ZNF84: variants seen among roughly 807,000 people sequenced by gnomAD.
ZNF84 encodes the protein zinc finger protein 84.
Under a neutral mutation model 14.8 loss-of-function variants are expected in ZNF84, and 12 were observed. The ratio of observed to expected loss-of-function variants is 0.81; its 90% CI spans 0.52 to 1.31. ZNF84 has a LOEUF of 1.31. Ranked by LOEUF, ZNF84 falls within the 50% of genes most tolerant of loss-of-function variation. ZNF84 has a pLI of 0.00. For missense variants in ZNF84, 859 were observed against 878.6 expected, an observed-to-expected ratio of 0.98 and a Z score of 0.28; for synonymous variants, 347 against 291.1, an observed-to-expected ratio of 1.19 and a Z score of -1.96.
intron 4 of ZNF84, among the ~76,000 whole-genome samples, chr12:133,052,621 C>T (rs1283326944): frequency 6.6e-6 from 1 of 152,230 alleles, no homozygotes; most frequent in Non-Finnish European, 1.5e-5. Flanking sequence ...AGACGTGGGC[C>T]AGTGTGCCTG....
rs1022726489 is a variant in ZNF84, at chr12:133,048,805, G to T, written c.195G>T (p.Glu65Asp). The change falls in exon 4 of 5, where the codon GAG becomes GAT. Residue 65 changes from glutamate (E) to aspartate (D), a missense_variant. Transcript: ENST00000539354. Reference sequence around the variant, plus strand: ...TCTTCAAATTGGAGCAAGGAGAAGAGCCGTGGGTAGGAGATGGAGAAATTC... The same window carrying T: ...TCTTCAAATTGGAGCAAGGAGAAGATCCGTGGGTAGGAGATGGAGAAATTC... ...DVIFKLEQGE[E>D]PWVGDGEIPS... 9.3e-6 allele frequency: 15 copies of T among 1,613,694 alleles called. No individual in the cohort carries two copies. The highest frequency in any genetic ancestry group is 1.3e-5 in the Non-Finnish European group (15 of 1,179,888).
At chr12:133,048,132 T>C in intron 3 of ZNF84, 51 bp downstream of exon 3, 2 of 1,522,158 alleles carry the variant, frequency 1.3e-6, no homozygotes, top group Non-Finnish European at 1.8e-6. Context: ...GCATTGCCTT[T>C]TATTTTTAGT....
In ZNF84 at chr12:133,060,925, CTT is replaced by C. The variant is rs1185939542; in HGVS notation, c.*1994_*1995del. The C allele has an allele frequency of 2.0e-5, 3 of 152,114 alleles. No individual in the cohort carries two copies. The highest frequency in any genetic ancestry group is 4.8e-5 in the African/African-American group (2 of 41,422). 9.4% of individuals were successfully genotyped at this position (152,114 alleles called of 1,614,324 possible). A position where few individuals can be genotyped will look rare whatever the true frequency, so the allele number is the denominator to read the frequency against. On this transcript the variant is annotated 3_prime_UTR_variant, in exon 5 of 5. Coordinates refer to ENST00000539354, the MANE Select transcript of ZNF84 (RefSeq NM_001289971.2). The stretch of plus-strand genomic sequence containing the variant: ...GTCCAATATTGAGCTTGATTGCAAA[CTT>C]AGAAAAACTCAAGACTTCTCCTTTT...
Position 133,060,296 on chromosome 12 carries a change from G to A in ZNF84, c.*1364G>A, listed in dbSNP as rs1017161253. ...AAAATCACATTTCTGAAGATGTAAA[G>A]TATTAGGGAATTTTGTGCTGGAAAA... On this transcript the variant is annotated 3_prime_UTR_variant, in exon 5 of 5. Transcript: ENST00000539354. 6.6e-6 allele frequency: 1 copy of A among 152,148 alleles called. No homozygotes were observed. The highest frequency in any genetic ancestry group is 2.4e-5 in the African/African-American group (1 of 41,442). The allele number at this position is 152,148 out of a possible 1,614,324, so 9.4% of individuals were successfully genotyped here.
chr12:133,042,532 G>A (rs1179312275), intron 2 of ZNF84, among the ~76,000 whole-genome samples: 2 of 152,178 alleles, frequency 1.3e-5, no homozygotes, highest in Middle Eastern at 3.2e-3. Flanking sequence ...GTATGTATGT[G>A]TAGGAAAAAA....
At chr12:133,037,698 C>T (rs1388644528) in intron 1 of ZNF84, 153 bp downstream of exon 1, 2 of 152,242 alleles carry the variant, frequency 1.3e-5, no homozygotes, top group African/African-American at 2.4e-5. Flanking sequence ...TGGGCCGGGT[C>T]GTGAAGATGC....
intron 2 of ZNF84, 87 bp from the exon 3 acceptor site, chr12:133,047,868 G>A: frequency 6.8e-7 from 1 of 1,469,280 alleles, no homozygotes; most frequent in Non-Finnish European, 9.4e-7. Context: ...AACTTGTTAT[G>A]AGAATGAAGT....
chr12:133,058,410 T>TA lies in ZNF84; in HGVS notation c.1696dup (p.Thr566AsnfsTer7). On this transcript the variant is annotated frameshift_variant, in exon 5 of 5. Transcript: ENST00000539354. LOFTEE classifies it low-confidence loss of function (END_TRUNC). The stretch of plus-strand genomic sequence containing the variant: ...GTCTTGCAACTCATCAGAGAACTCA[T>TA]ACTGGAGAAAAACCGTATGAATGCA... The TA allele has an allele frequency of 2.5e-6, 4 of 1,614,026 alleles. No homozygotes were observed. The highest frequency in any genetic ancestry group is 3.4e-6 in the Non-Finnish European group (4 of 1,179,990).
rs1953887594 is a variant in ZNF84 at position 133,041,475 on chromosome 12, T to C, written c.8T>C (p.Met3Thr). 2 of 1,614,116 alleles carry C rather than the reference T, an allele frequency of 1.2e-6. No individual in the cohort carries two copies. The highest frequency in any genetic ancestry group is 1.7e-6 in the Non-Finnish European group (2 of 1,179,988). The change falls in exon 2 of 5, where the codon ATG becomes ACG. Residue 3 changes from methionine (M) to threonine (T), a missense_variant. Met to Thr is a moderately conservative substitution (Grantham distance 81). Coordinates refer to ENST00000539354, the MANE Select transcript of ZNF84 (RefSeq NM_001289971.2). Reference sequence around the variant, plus strand: ...CTCGTACAGCAGCAGAAAATGACCATGTTACAGGTGAGTTGATTGTTGAGT... The same window carrying C: ...CTCGTACAGCAGCAGAAAATGACCACGTTACAGGTGAGTTGATTGTTGAGT... Reference protein sequence around the residue: MTMLQESFSFDDL... With the variant: MTTLQESFSFDDL...
intron 4 of ZNF84, chr12:133,050,433 G>C (rs1344819763): frequency 5.0e-6 from 2 of 398,446 alleles, no homozygotes; most frequent in Admixed American, 8.8e-5. Context: ...TTCTTGGGTA[G>C]AGAGTTGTGA....
In ZNF84 at chr12:133,058,517, G is replaced by A; in HGVS notation, c.1802G>A (p.Cys601Tyr). Residue 601 changes from cysteine to tyrosine, a missense_variant, in exon 5 of 5, where the codon TGC becomes TAC. Transcript: ENST00000539354. The part of the protein sequence containing the change: ...RIHTGEKPYE[C>Y]SLCRKAFFEK... The stretch of plus-strand genomic sequence containing the variant: ...CACACTGGAGAGAAACCCTATGAAT[G>A]CAGTCTTTGTAGGAAAGCTTTTTTT... 1 of 1,614,132 alleles carries A rather than the reference G, an allele frequency of 6.2e-7. No homozygotes were observed. Among genetic ancestry groups the A allele is most frequent in the Non-Finnish European group, 8.5e-7 (1 of 1,180,010 alleles).
chr12:133,053,812 T>G (rs1954108918), intron 4 of ZNF84, among the ~76,000 whole-genome samples: 1 of 152,182 alleles, frequency 6.6e-6, no homozygotes, highest in East Asian at 1.9e-4. Context: ...TCAGTCTTCC[T>G]CAATTCATAA....
Position 133,046,945 on chromosome 12 carries a change from TTA to T in ZNF84, c.16-1004_16-1003del, listed in dbSNP as rs1292669847. Among the ~76,000 whole-genome samples, 24 of 140,146 alleles carry T rather than the reference TTA, an allele frequency of 1.7e-4. No homozygotes were observed. The East Asian group carries it at 4.9e-3, about 29-fold the overall frequency. 91.9% of individuals were successfully genotyped at this position (140,146 alleles called of 152,430 possible). ...TATTATTTTTAATATAATATTTATA[TTA>T]TATATTATATTATGTATTATATTAT... On this transcript the variant is annotated intron_variant, in intron 2 of 4. Transcript: ENST00000539354.
Position 133,057,298 on chromosome 12 carries a change from A to T in ZNF84, c.583A>T (p.Ile195Phe). Residue 195 changes from isoleucine (I) to phenylalanine (F), a missense_variant, in exon 5 of 5, where the codon ATC becomes TTC. Coordinates refer to ENST00000539354, the MANE Select transcript of ZNF84 (RefSeq NM_001289971.2). ...YKESYKKSQI[I>F]IYHRNRLGEK... ...AGAGAGCTATAAAAAGTCACAGATT[A>T]TCATATATCATAGAAATCGTTTAGG... 15 of 1,613,412 alleles carry T rather than the reference A, an allele frequency of 9.3e-6. No individual in the cohort carries two copies. Among genetic ancestry groups the T allele is most frequent in the Non-Finnish European group, 1.3e-5 (15 of 1,179,846 alleles).
Position 133,057,139 on chromosome 12 carries a change from G to T in ZNF84, c.424G>T (p.Asp142Tyr). ...TGGATTGATTTTAAAACATCATTTAGATTTGCTTATTCCAAAAGGAGATTA... is the reference window on the plus strand; with the variant it reads ...TGGATTGATTTTAAAACATCATTTATATTTGCTTATTCCAAAAGGAGATTA... Reference protein sequence around the residue: ...LDGLILKHHLDLLIPKGDYGK... With the variant: ...LDGLILKHHLYLLIPKGDYGK... Residue 142 changes from aspartate to tyrosine, a missense_variant, in exon 5 of 5, where the codon GAT becomes TAT. Asp to Tyr is a radical substitution (Grantham distance 160). Transcript: ENST00000539354. The T allele has an allele frequency of 6.2e-7, 1 of 1,611,692 alleles. No homozygotes were observed. Among genetic ancestry groups the T allele is most frequent in the South Asian group, 1.1e-5 (1 of 90,248 alleles).
Position 133,050,451 on chromosome 12 carries a change from G to A in ZNF84, c.238+1603G>A, listed in dbSNP as rs1013331832. 12 of 398,404 alleles carry A rather than the reference G, an allele frequency of 3.0e-5. No individual in the cohort carries two copies. In the South Asian group the frequency reaches 3.8e-4, roughly 13 times the overall value. 24.7% of individuals were successfully genotyped at this position (398,404 alleles called of 1,614,324 possible). ...TTGGGTAGAGAGTTGTGAGTGCCTC[G>A]GGTAGGAATCATGTCAGAGTATTGG... On this transcript the variant is annotated intron_variant, in intron 4 of 4. Coordinates refer to ENST00000539354, the MANE Select transcript of ZNF84 (RefSeq NM_001289971.2).
rs1593694840 is a variant in ZNF84, at chr12:133,041,440, T to C, written c.-28T>C. ...CGCACAGTAGAACCGATCTCAGCCT[T>C]GCTGATCATCTCGTACAGCAGCAGA... is the stretch of plus-strand genomic sequence containing the variant. On this transcript the variant is annotated 5_prime_UTR_variant, in exon 2 of 5. Transcript: ENST00000539354. 1.2e-6 allele frequency: 2 copies of C among 1,613,946 alleles called. No individual in the cohort carries two copies. Among genetic ancestry groups the C allele is most frequent in the East Asian group, 4.5e-5 (2 of 44,882 alleles).
At chr12:133,056,588 C>T (rs1954162704) in intron 4 of ZNF84, among the ~76,000 whole-genome samples, 1 of 152,108 alleles carries the variant, frequency 6.6e-6, no homozygotes, top group Non-Finnish European at 1.5e-5. Flanking sequence ...GTCTCTAGTA[C>T]CTTACACACT....
At chr12:133,042,845 G>A (rs2137334735) in intron 2 of ZNF84, among the ~76,000 whole-genome samples, 1 of 152,282 alleles carries the variant, frequency 6.6e-6, no homozygotes, top group East Asian at 1.9e-4. Flanking sequence ...TGTTATCAGT[G>A]GAATATGCAT....
Sources: allele counts gnomAD v4.1 joint callset (sites outside exome capture counted in the v4.1 genomes callset), GRCh38; gene constraint gnomAD v4.1.1; transcripts MANE v1.5; gene names NCBI Gene and HGNC (gene_info 2026-07-23, HGNC 2026-07-21).